The following RAD54L2 variants were observed in gnomAD, a reference collection of about 807,000 sequenced individuals.
RAD54L2 encodes RAD54 like 2.
In RAD54L2, 27 loss-of-function variants were observed where a neutral mutation model predicts 138.4. The ratio of observed to expected loss-of-function variants is 0.20; its 90% CI spans 0.14 to 0.27. RAD54L2 has a LOEUF of 0.27. Among genes scored for constraint, RAD54L2 ranks in the 10% least tolerant of loss-of-function variants. The pLI is 1.00. For missense variants in RAD54L2, 1,396 were observed against 1,890.2 expected, an observed-to-expected ratio of 0.74 and a Z score of 4.85; for synonymous variants, 644 against 723.2, an observed-to-expected ratio of 0.89 and a Z score of 1.76.
In RAD54L2 at chr3:51,605,191, G is replaced by GT. The variant is rs542419553; in HGVS notation, c.139+14633dup. 1.1e-3 allele frequency among the ~76,000 whole-genome samples: 164 copies of GT among 150,886 alleles called. 1 individual carries two copies. The highest frequency in any genetic ancestry group is 2.1e-3 in the Non-Finnish European group (143 of 67,830). ...TGCAGCCTCCGCCTCCTGGGTTCAA[G>GT]TGATTCTCCTGCCTCAGCCTCCCGA... On this transcript the variant is annotated intron_variant, in intron 3 of 22. Transcript: ENST00000684192.
At chr3:51,543,642 C>T (rs189589866) in intron 2 of RAD54L2, among the ~76,000 whole-genome samples, 128 of 151,644 alleles carry the variant, frequency 8.4e-4, no homozygotes, top group African/African-American at 3.0e-3. Flanking sequence ...AAATAATACA[C>T]CTCTGGTCTC....
rs1285438110 is a variant in RAD54L2, at chr3:51,609,801, T to C, written c.140-17752T>C. ...GTCCTCTCAAATAAAATAAACAGAA[T>C]GAGCTATTTTTTCTCTTTGCCCATT... On this transcript the variant is annotated intron_variant, in intron 3 of 22. Transcript: ENST00000684192. 4.6e-5 allele frequency among the ~76,000 whole-genome samples: 7 copies of C among 151,650 alleles called. No individual in the cohort carries two copies. In the Admixed American group the frequency reaches 4.6e-4, roughly 10 times the overall value.
intron 2 of RAD54L2, among the ~76,000 whole-genome samples, chr3:51,579,044 C>T (rs1218994604): frequency 2.0e-5 from 3 of 152,276 alleles, no homozygotes; most frequent in South Asian, 2.1e-4. Flanking sequence ...TGGCCGGACT[C>T]CTCTCCGAAG....
At chr3:51,613,169 C>T (rs1322077636) in intron 3 of RAD54L2, among the ~76,000 whole-genome samples, 1 of 151,938 alleles carries the variant, frequency 6.6e-6, no homozygotes, top group East Asian at 1.9e-4. Flanking sequence ...CTCCATCTGA[C>T]CTTGTGATCC....
chr3:51,647,070 A>G (rs1305959350), intron 19 of RAD54L2, among the ~76,000 whole-genome samples: 1 of 152,082 alleles, frequency 6.6e-6, no homozygotes, highest in Non-Finnish European at 1.5e-5. Flanking sequence ...TTTTAATTTC[A>G]AGACAGTGCC....
At chr3:51,572,876 G>T (rs1000910616) in intron 2 of RAD54L2, among the ~76,000 whole-genome samples, 1 of 151,760 alleles carries the variant, frequency 6.6e-6, no homozygotes, top group African/African-American at 2.4e-5. Context: ...CTGACCTTGT[G>T]ATTCGCCTGC....
chr3:51,645,375 TG>T lies in RAD54L2; in HGVS notation c.2656+147del. 9.7e-7 allele frequency: 1 copy of T among 1,026,120 alleles called. No individual in the cohort carries two copies. The highest frequency in any genetic ancestry group is 1.4e-6 in the Non-Finnish European group (1 of 706,518). The allele number at this position is 1,026,120 out of a possible 1,614,324, so 63.6% of individuals were successfully genotyped here. A position where few individuals can be genotyped will look rare whatever the true frequency, so the allele number is the denominator to read the frequency against. Reference sequence around the variant, plus strand: ...CCTCCTATCTCATTCTGATTCAAATTGCTTAAAAGGTAATTGACCTCAACTT... The same window carrying T: ...CCTCCTATCTCATTCTGATTCAAATTCTTAAAAGGTAATTGACCTCAACTT... On this transcript the variant is annotated intron_variant, in intron 17 of 22. Transcript: ENST00000684192. This position sits in a 1 kb window ranked among gnomAD's most constrained non-coding sequence, Gnocchi z 6.1.
chr3:51,643,791 T>C, intron 15 of RAD54L2, 84 bp from the exon 16 acceptor site: 1 of 1,060,954 alleles, frequency 9.4e-7, no homozygotes, highest in Non-Finnish European at 1.4e-6. Context: ...TTTGTTTTGC[T>C]CTTTAAAACA....
At chr3:51,545,412 G>A (rs1553672057) in intron 2 of RAD54L2, among the ~76,000 whole-genome samples, 3 of 151,652 alleles carry the variant, frequency 2.0e-5, no homozygotes, top group African/African-American at 7.3e-5. Flanking sequence ...GTCTGATCTT[G>A]AACTCGTGAC....
At chr3:51,654,546 A>G (rs575542344) in intron 19 of RAD54L2, among the ~76,000 whole-genome samples, 1 of 152,320 alleles carries the variant, frequency 6.6e-6, no homozygotes, top group Admixed American at 6.5e-5. Flanking sequence ...CTCTCTTTCA[A>G]AACTTTCAGG....
chr3:51,557,721 T>G (rs1037824058), intron 2 of RAD54L2, among the ~76,000 whole-genome samples: 4 of 150,234 alleles, frequency 2.7e-5, no homozygotes, highest in East Asian at 2.0e-4. Context: ...TGCTAGCTAC[T>G]TGGAAGGCTG....
rs1331079798 is a variant in RAD54L2, at chr3:51,656,124, C to T, written c.3180C>T (p.Tyr1060=). Residue 1060 remains tyrosine, a synonymous_variant, in exon 20 of 23, where the codon TAC becomes TAT. Transcript: ENST00000684192. ...TNPSMNFPIN[Y]LQRAGVLVQK... is the part of the protein sequence containing the mutation. ...CATCCATGAACTTTCCCATCAACTA[C>T]TTGCAGCGTGCAGGAGTCCTTGTGC... 1 of 1,613,992 alleles carries T rather than the reference C, an allele frequency of 6.2e-7. No individual in the cohort carries two copies. Among genetic ancestry groups the T allele is most frequent in the Non-Finnish European group, 8.5e-7 (1 of 1,179,860 alleles).
At chr3:51,557,180 CTTTTTTTTTTTTT>C (rs58428110) in intron 2 of RAD54L2, among the ~76,000 whole-genome samples, 1 of 113,344 alleles carries the variant, frequency 8.8e-6, no homozygotes, top group African/African-American at 3.4e-5. Flanking sequence ...TTGTTGTTGG[CTTTTTTTTTTTTT>C]TTTTTTTTTT....
chr3:51,658,081 C>T (rs375481324), intron 21 of RAD54L2, among the ~76,000 whole-genome samples: 1 of 151,572 alleles, frequency 6.6e-6, no homozygotes, highest in Non-Finnish European at 1.5e-5. Flanking sequence ...TGCGCCACCA[C>T]GCACAGCTGA....
chr3:51,605,936 A>G (rs924208269), intron 3 of RAD54L2, among the ~76,000 whole-genome samples: 25 of 152,214 alleles, frequency 1.6e-4, no homozygotes, highest in South Asian at 4.1e-4. Context: ...CTGGAGGAAT[A>G]ACCATTAAAC....
At chr3:51,590,287 A>C in intron 2 of RAD54L2, 80 bp from the exon 3 acceptor site, 60 of 994,874 alleles carry the variant, frequency 6.0e-5, no homozygotes, top group Non-Finnish European at 6.9e-5. Flanking sequence ...CACTGTGCCC[A>C]GCTAGCATTT....
intron 7 of RAD54L2, among the ~76,000 whole-genome samples, chr3:51,632,607 C>T (rs564917531): frequency 1.4e-4 from 21 of 146,450 alleles, no homozygotes; most frequent in African/African-American, 5.2e-4. Context: ...TTAAAGAGTT[C>T]TTAAGGCTGG....
At chr3:51,543,751 C>T (rs541394746) in intron 2 of RAD54L2, among the ~76,000 whole-genome samples, 1 of 152,218 alleles carries the variant, frequency 6.6e-6, no homozygotes, top group East Asian at 1.9e-4. Flanking sequence ...TCCTCTGCCA[C>T]ATTTACTCTG....
chr3:51,618,135 T>A (rs1225622663), intron 3 of RAD54L2, among the ~76,000 whole-genome samples: 4 of 123,580 alleles, frequency 3.2e-5, no homozygotes, highest in Non-Finnish European at 6.9e-5. Context: ...ATATTTTGTA[T>A]TTTTTTTTTT....
Sources: gnomAD v4.1 joint callset for allele counts (sites outside exome capture counted in the v4.1 genomes callset) on GRCh38, gnomAD v4.1.1 for gene constraint, Gnocchi (gnomAD v3.1) non-coding constraint, MANE v1.5 for transcripts, NCBI Gene and HGNC (gene_info 2026-07-23, HGNC 2026-07-21) for gene names.